Variants in NUGGC observed in about 807,000 individuals in gnomAD.
The protein encoded by NUGGC is nuclear GTPase SLIP-GC.
A neutral mutation model predicts 92.6 loss-of-function variants in NUGGC; 58 were observed. The observed-to-expected ratio is 0.63, with a 90% CI of 0.51 to 0.78. NUGGC has a LOEUF of 0.78. Among genes scored for constraint, NUGGC ranks in the 30% least tolerant of loss-of-function variants. The pLI is 0.00. For missense variants in NUGGC, 925 were observed against 964.6 expected (o/e 0.96, Z 0.54); for synonymous variants, 376 against 366.4 (o/e 1.03, Z -0.30).
At chr8:28,056,116 C>G in intron 9 of NUGGC, 62 bp from the exon 10 acceptor site, 1 of 889,416 alleles carries the variant, frequency 1.1e-6, no homozygotes, top group South Asian at 1.5e-5. Flanking sequence ...GATGAGGTGG[C>G]AAGATGCACA....
chr8:28,029,200 C>T (rs1319627347), intron 17 of NUGGC, 66 bp downstream of exon 17: 20 of 1,527,344 alleles, frequency 1.3e-5, no homozygotes, highest in African/African-American at 4.1e-5. Context: ...CCACCTTCTG[C>T]ACTCGCTTCC....
intron 1 of NUGGC, among the ~76,000 whole-genome samples, chr8:28,078,113 G>C (rs528439451): frequency 3.3e-5 from 5 of 152,214 alleles, no homozygotes. Flanking sequence ...AATGAAGACA[G>C]AAAACCACAC....
In NUGGC at chr8:28,069,561, A is replaced by T; in HGVS notation, c.240T>A (p.Asn80Lys). Residue 80 changes from asparagine (N) to lysine (K), a missense_variant, in exon 4 of 19, where the codon AAT (asparagine) becomes AAA (lysine). Asn to Lys is a moderately conservative substitution (Grantham distance 94, BLOSUM62 0). Coordinates refer to ENST00000413272, the MANE Select transcript of NUGGC (RefSeq NM_001010906.2). ...QSVFLDDSIP[N>K]GVKYLINRLL... ...AGACTCACATGAGATACTTGACTCC[A>T]TTAGGGATGCTGTCATCCAGGAAGA... 2 of 1,587,372 alleles carry T rather than the reference A, an allele frequency of 1.3e-6. No homozygotes were observed. Among genetic ancestry groups the T allele is most frequent in the Non-Finnish European group, 1.7e-6 (2 of 1,155,818 alleles).
chr8:28,056,644 T>C (rs1482569790), intron 9 of NUGGC, among the ~76,000 whole-genome samples: 2 of 151,976 alleles, frequency 1.3e-5, no homozygotes, highest in African/African-American at 4.8e-5. Flanking sequence ...ATCAAAAAAT[T>C]AACAAAAAGG....
chr8:28,040,472 G>A (rs1809664963), intron 13 of NUGGC, among the ~76,000 whole-genome samples: 1 of 152,092 alleles, frequency 6.6e-6, no homozygotes, highest in Admixed American at 6.5e-5. Context: ...CTACAAGGTG[G>A]ATGTTTGGTG....
rs1280515933 is a variant in NUGGC, at chr8:28,056,069, G to A, written c.1117-15C>T. On this transcript the variant is annotated splice_polypyrimidine_tract_variant and intron_variant, in intron 9 of 18. Coordinates refer to ENST00000413272, the MANE Select transcript of NUGGC (RefSeq NM_001010906.2). ...TGAATAGCTTGCTAGGTTGTGAAAGGAAATAGAAGCATGCAGAGAGTAGCG... is the reference window on the plus strand; with the variant it reads ...TGAATAGCTTGCTAGGTTGTGAAAGAAAATAGAAGCATGCAGAGAGTAGCG... 1 of 1,449,420 alleles carries A rather than the reference G, an allele frequency of 6.9e-7. No homozygotes were observed. Among genetic ancestry groups the A allele is most frequent in the South Asian group, 1.2e-5 (1 of 81,054 alleles). 89.8% of individuals were successfully genotyped at this position (1,449,420 alleles called of 1,614,324 possible).
At chr8:28,062,976 C>T (rs1810343930) in intron 7 of NUGGC, among the ~76,000 whole-genome samples, 1 of 152,146 alleles carries the variant, frequency 6.6e-6, no homozygotes, top group African/African-American at 2.4e-5. Context: ...CCACCACCCC[C>T]AACCTGCATC....
At chr8:28,042,733 A>G (rs1809731278) in intron 12 of NUGGC, among the ~76,000 whole-genome samples, 1 of 152,234 alleles carries the variant, frequency 6.6e-6, no homozygotes, top group African/African-American at 2.4e-5. Context: ...GGCACAGCAC[A>G]GAGAGCAAAA....
intron 6 of NUGGC, 58 bp from the exon 7 acceptor site, chr8:28,064,789 G>A (rs149925500): frequency 2.7e-4 from 395 of 1,460,282 alleles, no homozygotes; most frequent in African/African-American, 1.4e-3. Flanking sequence ...TGTTCACCCC[G>A]GTTGGCTGTG....
chr8:28,044,202 A>T (rs180779126), intron 12 of NUGGC, among the ~76,000 whole-genome samples: 29 of 152,254 alleles, frequency 1.9e-4, no homozygotes, highest in Admixed American at 1.0e-3. Context: ...CCACTCACAA[A>T]GCCCTATTCA....
At chr8:28,029,235 G>A (rs1451079613) in intron 17 of NUGGC, 31 bp downstream of exon 17, 6 of 1,591,046 alleles carry the variant, frequency 3.8e-6, no homozygotes, top group African/African-American at 1.3e-5. Flanking sequence ...GCCTCTCGGG[G>A]TCTAGGATCC....
intron 13 of NUGGC, among the ~76,000 whole-genome samples, chr8:28,036,311 C>A (rs1809553206): frequency 6.6e-6 from 1 of 152,110 alleles, no homozygotes; most frequent in Non-Finnish European, 1.5e-5. Context: ...TCCTTCTCTG[C>A]CCCTCCCCTG....
intron 7 of NUGGC, 84 bp downstream of exon 7, chr8:28,064,438 G>T: frequency 8.7e-7 from 1 of 1,151,290 alleles, no homozygotes; most frequent in Non-Finnish European, 1.3e-6. Flanking sequence ...AATCCCTGAA[G>T]CTGAAACCAG....
At chr8:28,045,299 T>C (rs909192263) in intron 12 of NUGGC, among the ~76,000 whole-genome samples, 3 of 152,198 alleles carry the variant, frequency 2.0e-5, no homozygotes, top group African/African-American at 7.2e-5. Context: ...TATTTTGACA[T>C]TTTTCTCTCA....
chr8:28,076,956 A>G (rs1443639151), intron 1 of NUGGC, among the ~76,000 whole-genome samples: 1 of 152,200 alleles, frequency 6.6e-6, no homozygotes, highest in Admixed American at 6.5e-5. Context: ...CCCTTAGGAA[A>G]CCGTGAGTTT....
intron 16 of NUGGC, among the ~76,000 whole-genome samples, chr8:28,029,859 T>C (rs573588698): frequency 1.3e-5 from 2 of 152,246 alleles, no homozygotes; most frequent in East Asian, 3.9e-4. Flanking sequence ...AATAACACTT[T>C]ATATGTTTAG....
chr8:28,062,569 A>G (rs1353446485), intron 7 of NUGGC, among the ~76,000 whole-genome samples: 1 of 152,226 alleles, frequency 6.6e-6, no homozygotes, highest in Non-Finnish European at 1.5e-5. Flanking sequence ...GTCAGCCATG[A>G]TTATGCCACT....
At chr8:28,043,700 C>T (rs1346376458) in intron 12 of NUGGC, among the ~76,000 whole-genome samples, 4 of 152,178 alleles carry the variant, frequency 2.6e-5, no homozygotes, top group East Asian at 1.9e-4. Context: ...CACTTCTGGC[C>T]TTGATGGCAA....
At chr8:28,076,843 G>A (rs986759434) in intron 1 of NUGGC, among the ~76,000 whole-genome samples, 2 of 152,106 alleles carry the variant, frequency 1.3e-5, no homozygotes, top group African/African-American at 4.8e-5. Flanking sequence ...ATATTTTCTA[G>A]GGTTCCCAGA....
Sources: gnomAD v4.1 joint callset for allele counts (sites outside exome capture counted in the v4.1 genomes callset) on GRCh38, gnomAD v4.1.1 for gene constraint, MANE v1.5 for transcripts, NCBI Gene and HGNC (gene_info 2026-07-23, HGNC 2026-07-21) for gene names.